The following NUDT16L1 variants were observed in gnomAD, a reference collection of about 807,000 sequenced individuals.
NUDT16L1 encodes tudor-interacting repair regulator protein.
NUDT16L1 carries 19 observed loss-of-function variants against 17.3 expected under a neutral mutation model. The observed-to-expected ratio is 1.10, with a 90% CI of 0.77 to 1.61. NUDT16L1 has a LOEUF of 1.61. Ranked by LOEUF, NUDT16L1 falls within the 40% of genes most tolerant of loss-of-function variation. The probability of loss-of-function intolerance (pLI) is 0.00; values close to 1 mark genes in which losing one functional copy is unlikely to be tolerated. For synonymous variants in NUDT16L1, 255 were observed against 138.6 expected, an observed-to-expected ratio of 1.84 and a Z score of -5.90; for missense variants, 341 against 292.0, an observed-to-expected ratio of 1.17 and a Z score of -1.22.
exon 1 of NUDT16L1, chr16:4,693,744 T>C (rs542673358): frequency 1.3e-6 from 2 of 1,545,574 alleles, no homozygotes; most frequent in African/African-American, 2.8e-5. Context: ...CGGCGGCGGT[T>C]CCGGAGCTGA....
rs776433943 is a variant in NUDT16L1 at position 4,693,734 on chromosome 16, C to G, written c.8C>G (p.Thr3Arg). 3 of 1,535,240 alleles carry G rather than the reference C, an allele frequency of 2.0e-6. No individual in the cohort carries two copies. The South Asian group carries it at 3.6e-5, about 19-fold the overall frequency. Reference sequence around the variant, plus strand: ...GACGGGGTCAGTGCCAAGATGTCGACGGCGGCGGTTCCGGAGCTGAAGCAG... The same window carrying G: ...GACGGGGTCAGTGCCAAGATGTCGAGGGCGGCGGTTCCGGAGCTGAAGCAG... Residue 3 changes from threonine to arginine, a missense_variant, in exon 1 of 3, where the codon ACG (threonine) becomes AGG (arginine). Transcript: ENST00000304301.
exon 3 of NUDT16L1, chr16:4,695,003 G>C: frequency 6.2e-7 from 1 of 1,612,484 alleles, no homozygotes; most frequent in African/African-American, 1.3e-5. Flanking sequence ...GAAGGACCGA[G>C]TCGGAGGCTT....
At chr16:4,694,559 G>A in intron 2 of NUDT16L1, 2 of 1,454,098 alleles carry the variant, frequency 1.4e-6, no homozygotes, top group Non-Finnish European at 9.0e-7. Context: ...TGGGGAGTTG[G>A]GAAACTTGAG....
upstream of NUDT16L1, chr16:4,693,602 C>T (rs1472360923): frequency 8.8e-7 from 1 of 1,141,520 alleles, no homozygotes; most frequent in Non-Finnish European, 1.1e-6. Flanking sequence ...GGTCCCGGGG[C>T]GCGCCGGCGA....
chr16:4,695,213 C>G, exon 3 of NUDT16L1: 1 of 1,596,506 alleles, frequency 6.3e-7, no homozygotes, highest in Non-Finnish European at 8.6e-7. Context: ...CTCCCCTGGG[C>G]CGGAAGACTG....
At chr16:4,694,065 G>C in exon 2 of NUDT16L1, 1 of 1,590,028 alleles carries the variant, frequency 6.3e-7, no homozygotes, top group Non-Finnish European at 8.5e-7. Context: ...CCTGAACCGG[G>C]TGCTGGGCCT....
At chr16:4,693,744 T>G (rs542673358) in exon 1 of NUDT16L1, 7 of 1,545,574 alleles carry the variant, frequency 4.5e-6, no homozygotes, top group Non-Finnish European at 4.3e-6. Context: ...CGGCGGCGGT[T>G]CCGGAGCTGA....
At chr16:4,693,903 C>T in intron 1 of NUDT16L1, 24 bp downstream of exon 1, 1 of 1,483,660 alleles carries the variant, frequency 6.7e-7, no homozygotes, top group Non-Finnish European at 8.9e-7. Flanking sequence ...AGGGCGCGGG[C>T]GAGGGTGCCG....
At chr16:4,694,173 C>T in exon 2 of NUDT16L1, 4 of 1,581,248 alleles carry the variant, frequency 2.5e-6, no homozygotes, top group African/African-American at 1.4e-5. Context: ...CGCGCGGCAG[C>T]TGACGCTGGA....
chr16:4,694,583 G>A (rs983297794), intron 2 of NUDT16L1: 218 of 1,440,070 alleles, frequency 1.5e-4, no homozygotes, highest in Non-Finnish European at 1.9e-4. Flanking sequence ...AGCGGGGGTT[G>A]TAAAACTTGG....
exon 3 of NUDT16L1, chr16:4,695,500 T>C (rs1379273959): frequency 2.5e-5 from 14 of 552,824 alleles, no homozygotes; most frequent in East Asian, 1.2e-4. Context: ...GAGTGCCTGA[T>C]TGTCCCACAG....
chr16:4,694,756 C>T (rs974575913), intron 2 of NUDT16L1: 97 of 1,429,970 alleles, frequency 6.8e-5, no homozygotes, highest in Non-Finnish European at 7.8e-5. Context: ...ATGGGGTCAG[C>T]CTCCACACTT....
chr16:4,694,387 C>T, intron 2 of NUDT16L1, 149 bp downstream of exon 2: 3 of 952,918 alleles, frequency 3.1e-6, no homozygotes, highest in South Asian at 3.2e-5. Flanking sequence ...GGAGAGGGGT[C>T]TGGGGCTGGG....
chr16:4,695,396 C>T (rs2079520868), exon 3 of NUDT16L1: 2 of 600,460 alleles, frequency 3.3e-6, no homozygotes, highest in Non-Finnish European at 5.9e-6. Context: ...GGTCCGGGCA[C>T]ACTGGGCCTG....
At chr16:4,695,092 G>A in exon 3 of NUDT16L1, 1 of 1,613,610 alleles carries the variant, frequency 6.2e-7, no homozygotes, top group African/African-American at 1.3e-5. Flanking sequence ...TCAACATGAT[G>A]CCCGAGGAGA....
exon 3 of NUDT16L1, chr16:4,695,800 A>G (rs900857367): frequency 1.8e-5 from 7 of 390,184 alleles, no homozygotes; most frequent in African/African-American, 1.4e-4. Flanking sequence ...GCTATGTACA[A>G]CGAAGCTGTC....
chr16:4,693,807 G>A (rs764310584), exon 1 of NUDT16L1: 1 of 1,572,248 alleles, frequency 6.4e-7, no homozygotes, highest in Non-Finnish European at 8.6e-7. Context: ...GGAGCCACTC[G>A]TGCCACGCCA....
chr16:4,694,067 G>GCTGGGC (rs754557304), exon 2 of NUDT16L1: 4 of 1,589,760 alleles, frequency 2.5e-6, no homozygotes, highest in Admixed American at 1.7e-5. Context: ...TGAACCGGGT[G>GCTGGGC]CTGGGCCTGG....
exon 3 of NUDT16L1, chr16:4,695,077 G>A: frequency 3.7e-6 from 6 of 1,613,576 alleles, no homozygotes; most frequent in African/African-American, 1.3e-5. Flanking sequence ...TTGCCCTCAA[G>A]GTGCTCAACA....
Sources: allele counts gnomAD v4.1 joint callset, GRCh38; gene constraint gnomAD v4.1.1; transcripts MANE v1.5; gene names NCBI Gene and HGNC (gene_info 2026-07-23, HGNC 2026-07-21).